NEK7: variants seen among roughly 807,000 people sequenced by gnomAD.
The protein encoded by NEK7 is serine/threonine-protein kinase Nek7.
In NEK7, 18 loss-of-function variants were observed where a neutral mutation model predicts 44.6. That is an observed-to-expected ratio of 0.40 (90% confidence interval 0.28 to 0.60). The LOEUF (loss-of-function observed/expected upper bound fraction) is 0.60, where lower values mean the gene tolerates loss of function less well. Among genes scored for constraint, NEK7 ranks in the 20% least tolerant of loss-of-function variants. NEK7 has a pLI of 0.38. For missense variants in NEK7, 256 were observed against 366.5 expected (o/e 0.70, Z 2.46); for synonymous variants, 130 against 121.1 (o/e 1.07, Z -0.48).
chr1:198,277,821 T>A, intron 5 of NEK7, 140 bp from the exon 6 acceptor site: 2 of 573,992 alleles, frequency 3.5e-6, no homozygotes, highest in Middle Eastern at 4.6e-4. Context: ...TGGAATAATT[T>A]CAGTATAAAG....
At chr1:198,305,446 G>A (rs1487000584) in intron 9 of NEK7, among the ~76,000 whole-genome samples, 1 of 152,162 alleles carries the variant, frequency 6.6e-6, no homozygotes, top group Admixed American at 6.5e-5. Flanking sequence ...GAAATAAACA[G>A]GGAGATGTCT....
chr1:198,260,392 G>A (rs1653418185), intron 3 of NEK7, among the ~76,000 whole-genome samples: 1 of 150,922 alleles, frequency 6.6e-6, no homozygotes, highest in Admixed American at 6.6e-5. Context: ...TTGTGATAGT[G>A]ATTTGCCACT....
chr1:198,255,574 T>G (rs1653230554), intron 3 of NEK7, among the ~76,000 whole-genome samples: 1 of 152,194 alleles, frequency 6.6e-6, no homozygotes, highest in Admixed American at 6.5e-5. Context: ...TGATTGGGAA[T>G]TTGAATAAGT....
chr1:198,198,448 G>T (rs189376724), intron 1 of NEK7, among the ~76,000 whole-genome samples: 2 of 152,286 alleles, frequency 1.3e-5, no homozygotes, highest in African/African-American at 4.8e-5. Flanking sequence ...GGTGAAGGAG[G>T]AGTGGGCCTC....
chr1:198,268,587 T>TG, intron 5 of NEK7, among the ~76,000 whole-genome samples: 1 of 152,118 alleles, frequency 6.6e-6, no homozygotes, highest in Non-Finnish European at 1.5e-5. Flanking sequence ...TCCATCAGTC[T>TG]TTAAGACGTT....
chr1:198,173,065 C>CT (rs1224458073), intron 1 of NEK7, among the ~76,000 whole-genome samples: 2 of 152,016 alleles, frequency 1.3e-5, no homozygotes, highest in African/African-American at 4.8e-5. Context: ...AGTAGAGAGA[C>CT]TGATATATAG....
At chr1:198,232,070 GAGTAGAC>G (rs1201676439) in intron 1 of NEK7, among the ~76,000 whole-genome samples, 1 of 152,122 alleles carries the variant, frequency 6.6e-6, no homozygotes, top group Non-Finnish European at 1.5e-5. Flanking sequence ...ATGCGTAAAA[GAGTAGAC>G]ACTCATATGA....
intron 5 of NEK7, among the ~76,000 whole-genome samples, chr1:198,276,898 A>G (rs192430756): frequency 2.0e-5 from 3 of 151,800 alleles, no homozygotes; most frequent in African/African-American, 7.2e-5. Context: ...GTAAAAACTG[A>G]AAGGTAGCTG....
At chr1:198,248,965 G>T (rs1263189198) in intron 2 of NEK7, among the ~76,000 whole-genome samples, 1 of 151,558 alleles carries the variant, frequency 6.6e-6, no homozygotes, top group African/African-American at 2.4e-5. Flanking sequence ...ATGTATACAT[G>T]TGCCATGCTG....
At chr1:198,191,078 C>T (rs1316052228) in intron 1 of NEK7, among the ~76,000 whole-genome samples, 1 of 151,966 alleles carries the variant, frequency 6.6e-6, no homozygotes, top group African/African-American at 2.4e-5. Flanking sequence ...AACAGGGAAA[C>T]TAACACATCA....
At chr1:198,252,591 A>G (rs1009124287) in intron 2 of NEK7, among the ~76,000 whole-genome samples, 4 of 139,066 alleles carry the variant, frequency 2.9e-5, no homozygotes, top group East Asian at 4.1e-4. Context: ...ATACACATAT[A>G]TATGTATGTT....
chr1:198,164,333 C>T (rs1246199861), intron 1 of NEK7, among the ~76,000 whole-genome samples: 2 of 152,216 alleles, frequency 1.3e-5, no homozygotes, highest in Non-Finnish European at 2.9e-5. Context: ...ACAGCCACTG[C>T]TCTGGTCAAG....
chr1:198,311,420 AC>A (rs1558106415), intron 9 of NEK7, among the ~76,000 whole-genome samples: 1 of 151,698 alleles, frequency 6.6e-6, no homozygotes, highest in African/African-American at 2.4e-5. Flanking sequence ...CTAATTGAAT[AC>A]CCTTTATTTC....
At chr1:198,302,038 C>T (rs934202424) in intron 9 of NEK7, among the ~76,000 whole-genome samples, 1 of 152,106 alleles carries the variant, frequency 6.6e-6, no homozygotes. Flanking sequence ...ATTTTGGAAT[C>T]GGAATTATTA....
At chr1:198,207,139 T>C (rs1446310658) in intron 1 of NEK7, 1 of 152,168 alleles carries the variant, frequency 6.6e-6, no homozygotes, top group East Asian at 1.9e-4. Context: ...TAGGCAAATA[T>C]GATATCCAGT....
At position 198,276,565 on chromosome 1, in the gene NEK7, T is replaced by C. The variant is rs1654024651; in HGVS notation, c.373-1396T>C. On this transcript the variant is annotated intron_variant, in intron 5 of 9. Transcript: ENST00000367385. ...ATTAAAAAGACTTAGTATTGAAACA[T>C]GATATGGGAGGTTTCTAACATTTTA... Among the ~76,000 whole-genome samples the C allele has an allele frequency of 2.6e-5, 4 of 151,740 alleles. No individual in the cohort carries two copies. The South Asian group carries it at 8.3e-4, about 31-fold the overall frequency.
intron 1 of NEK7, among the ~76,000 whole-genome samples, chr1:198,187,787 G>A (rs1664963609): frequency 6.6e-6 from 1 of 152,150 alleles, no homozygotes; most frequent in Non-Finnish European, 1.5e-5. Context: ...TCTTTCCCGT[G>A]GGTAGAAAGA....
chr1:198,258,709 A>T (rs1653356432), intron 3 of NEK7, among the ~76,000 whole-genome samples: 1 of 152,206 alleles, frequency 6.6e-6, no homozygotes, highest in South Asian at 2.1e-4. Context: ...TTTATCAGTC[A>T]TTACTTGCCT....
rs1166034221 is a variant in NEK7 at position 198,232,623 on chromosome 1, C to G, written c.43C>G (p.Gln15Glu). The G allele has an allele frequency of 6.3e-7, 1 of 1,594,420 alleles. No individual in the cohort carries two copies. The highest frequency in any genetic ancestry group is 1.3e-5 in the African/African-American group (1 of 74,610). The change falls in exon 2 of 10, where the codon CAG (glutamine) becomes GAG (glutamate). Residue 15 changes from glutamine to glutamate, a missense_variant. Physicochemically the swap from Gln to Glu is conservative, Grantham distance 29. Coordinates refer to ENST00000367385, the MANE Select transcript of NEK7 (RefSeq NM_133494.3). ...AGGAATGCAAGGGCCACCTGTTCCT[C>G]AGTTCCAACCACAGGTAATTTATCC... ...SQGMQGPPVP[Q>E]FQPQKALRPD...
Sources: gnomAD v4.1 joint callset for allele counts (sites outside exome capture counted in the v4.1 genomes callset) on GRCh38, gnomAD v4.1.1 for gene constraint, MANE v1.5 for transcripts, NCBI Gene and HGNC (gene_info 2026-07-23, HGNC 2026-07-21) for gene names.